GABRR2: variants seen among roughly 807,000 people sequenced by gnomAD.
GABRR2 encodes gamma-aminobutyric acid type A receptor subunit rho2.
GABRR2 carries 36 observed loss-of-function variants against 47.0 expected under a neutral mutation model. The ratio of observed to expected loss-of-function variants is 0.77; its 90% CI spans 0.59 to 1.01. GABRR2 has a LOEUF of 1.01. Ranked by LOEUF, GABRR2 falls within the 50% of genes least tolerant of loss-of-function variation. The probability of loss-of-function intolerance (pLI) is 0.00; values close to 1 mark genes in which losing one functional copy is unlikely to be tolerated. For synonymous variants in GABRR2, 204 were observed against 227.5 expected (o/e 0.90, Z 0.93); for missense variants, 587 against 594.6 (o/e 0.99, Z 0.13).
chr6:89,258,007 T>C (rs774896459), intron 8 of GABRR2, 26 bp from the exon 9 acceptor site: 1 of 1,599,754 alleles, frequency 6.3e-7, no homozygotes, highest in Admixed American at 1.7e-5. Context: ...ACAAAGAACA[T>C]CATTAAGCCT....
chr6:89,271,574 G>T, intron 3 of GABRR2, 81 bp downstream of exon 3: 1 of 1,262,208 alleles, frequency 7.9e-7, no homozygotes, highest in Non-Finnish European at 1.1e-6. Context: ...CTCCCGCTCT[G>T]CCCACACAGG....
chr6:89,289,053 C>T (rs192076559), intron 2 of GABRR2, among the ~76,000 whole-genome samples: 21 of 152,252 alleles, frequency 1.4e-4, no homozygotes, highest in Non-Finnish European at 2.2e-4. Flanking sequence ...TCAAAACAGC[C>T]GAGAGATGCT....
chr6:89,261,074 CA>C (rs1424990221), intron 8 of GABRR2, among the ~76,000 whole-genome samples: 2 of 152,184 alleles, frequency 1.3e-5, no homozygotes, highest in African/African-American at 4.8e-5. Context: ...TCTCTTTAAA[CA>C]AAGTCATACA....
At chr6:89,280,289 T>C (rs1361996071) in intron 2 of GABRR2, among the ~76,000 whole-genome samples, 9 of 146,392 alleles carry the variant, frequency 6.1e-5, no homozygotes, top group Non-Finnish European at 9.0e-5. Flanking sequence ...CACACATAGT[T>C]ACATCAACAT....
intron 1 of GABRR2, chr6:89,302,901 C>A (rs1767482121): frequency 3.4e-6 from 4 of 1,178,582 alleles, no homozygotes; most frequent in Non-Finnish European, 4.8e-6. Context: ...GCTGTTCAAG[C>A]ATCTCAGAGC....
At chr6:89,294,613 G>A (rs911506690) in intron 2 of GABRR2, among the ~76,000 whole-genome samples, 1 of 151,618 alleles carries the variant, frequency 6.6e-6, no homozygotes, top group Non-Finnish European at 1.5e-5. Flanking sequence ...AGGCTGAGCC[G>A]GCACTTTGGG....
chr6:89,271,561 C>T (rs2127835113), intron 3 of GABRR2, 94 bp downstream of exon 3: 2 of 1,125,302 alleles, frequency 1.8e-6, no homozygotes, highest in South Asian at 1.3e-5. Flanking sequence ...TTATCACCTC[C>T]AGCTCCCGCT....
rs1774079158 is a variant in GABRR2, at chr6:89,272,641, G to A, written c.221-919C>T. 5.3e-5 allele frequency among the ~76,000 whole-genome samples: 8 copies of A among 152,354 alleles called. No homozygotes were observed. The South Asian group carries it at 1.7e-3, about 32-fold the overall frequency. ...TCAGGTGCAGCTGGGCTGGGCCTCA[G>A]CGGGAGAGGGCATTGTCCAGAGGCC... On this transcript the variant is annotated intron_variant, in intron 2 of 8. Coordinates refer to ENST00000402938, the MANE Select transcript of GABRR2 (RefSeq NM_002043.5).
At chr6:89,288,551 T>C (rs1774373622) in intron 2 of GABRR2, among the ~76,000 whole-genome samples, 1 of 152,204 alleles carries the variant, frequency 6.6e-6, no homozygotes, top group African/African-American at 2.4e-5. Flanking sequence ...GTCAATCCAA[T>C]TTGTGAGCAA....
intron 8 of GABRR2, among the ~76,000 whole-genome samples, chr6:89,262,971 A>C (rs1417768912): frequency 1.3e-5 from 2 of 152,240 alleles, no homozygotes; most frequent in African/African-American, 4.8e-5. Context: ...TATGAATGGA[A>C]AAGACTGCCT....
At position 89,280,312 on chromosome 6, in the gene GABRR2, T is replaced by C. The variant is rs541000803; in HGVS notation, c.221-8590A>G. Among the ~76,000 whole-genome samples the C allele has an allele frequency of 8.0e-5, 12 of 149,188 alleles. No homozygotes were observed. In the South Asian group the frequency reaches 2.6e-3, roughly 32 times the overall value. Reference sequence around the variant, plus strand: ...GTTACATCAACATTGTCATTATTATTATGGCCTAACTCACTTACCTAGAGG... The same window carrying C: ...GTTACATCAACATTGTCATTATTATCATGGCCTAACTCACTTACCTAGAGG... On this transcript the variant is annotated intron_variant, in intron 2 of 8. Transcript: ENST00000402938.
At chr6:89,309,407 C>G (rs1379988953) in intron 1 of GABRR2, among the ~76,000 whole-genome samples, 1 of 152,066 alleles carries the variant, frequency 6.6e-6, no homozygotes, top group African/African-American at 2.4e-5. Context: ...GGCTCATTCC[C>G]ACCAGTATTC....
chr6:89,264,555 T>C lies in GABRR2; in HGVS notation c.943A>G (p.Met315Val). The C allele has an allele frequency of 6.2e-7, 1 of 1,614,138 alleles. No individual in the cohort carries two copies. The highest frequency in any genetic ancestry group is 1.1e-5 in the South Asian group (1 of 91,076). ...TTIITGVNAS[M>V]PRVSYVKAVD... is the part of the protein sequence containing the mutation. ...GCCTTGACGTAGGAGACGCGCGGCA[T>C]GGAGGCATTCACGCCCGTGATGATG... Residue 315 changes from methionine to valine, a missense_variant, in exon 8 of 9, where the codon ATG (methionine) becomes GTG (valine). By Grantham distance (21) the Met-to-Val change is conservative. Transcript: ENST00000402938.
intron 6 of GABRR2, among the ~76,000 whole-genome samples, chr6:89,267,471 G>A (rs747206946): frequency 1.3e-5 from 2 of 152,212 alleles, no homozygotes; most frequent in Non-Finnish European, 1.5e-5. Context: ...GGAGGCTGAC[G>A]TGGGAGGATC....
At chr6:89,275,427 C>A (rs1774141334) in intron 2 of GABRR2, among the ~76,000 whole-genome samples, 1 of 152,064 alleles carries the variant, frequency 6.6e-6, no homozygotes, top group Admixed American at 6.6e-5. Flanking sequence ...GTGTGCACCA[C>A]CACACCTGGC....
Position 89,269,208 on chromosome 6 carries a change from C to T in GABRR2, c.315G>A (p.Arg105=). ...DMDFTMTLYL[R]HYWKDERLAF... Reference sequence around the variant, plus strand: ...CTAGCCTCTCATCCTTCCAGTAATGCCGCAGGTACAGGGTCATAGTGAAGT... The same window carrying T: ...CTAGCCTCTCATCCTTCCAGTAATGTCGCAGGTACAGGGTCATAGTGAAGT... The change falls in exon 4 of 9, where the codon CGG becomes CGA. Residue 105 remains arginine (R), a synonymous_variant. Transcript: ENST00000402938. 3 of 1,614,046 alleles carry T rather than the reference C, an allele frequency of 1.9e-6. No individual in the cohort carries two copies. The highest frequency in any genetic ancestry group is 1.7e-6 in the Non-Finnish European group (2 of 1,179,906).
chr6:89,257,684 A>G lies in GABRR2; in HGVS notation c.1384T>C (p.Ser462Pro), dbSNP rs755120337. The change falls in exon 9 of 9, where the codon TCA (serine) becomes CCA (proline). Residue 462 changes from serine to proline, a missense_variant. By Grantham distance (74) the Ser-to-Pro change is moderately conservative (BLOSUM62 -1). Coordinates refer to ENST00000402938, the MANE Select transcript of GABRR2 (RefSeq NM_002043.5). ...SYIFFNLIYW[S>P]VFS ...CCTTGGAGCCCCTAGGAAAACACTG[A>G]CCAATAAATTAAGTTGAAAAATATG... 1 of 1,612,522 alleles carries G rather than the reference A, an allele frequency of 6.2e-7. No individual in the cohort carries two copies. Among genetic ancestry groups the G allele is most frequent in the Non-Finnish European group, 8.5e-7 (1 of 1,179,160 alleles).
At chr6:89,264,674 T>A (rs1318698551) in intron 7 of GABRR2, 66 bp from the exon 8 acceptor site, 2 of 1,571,454 alleles carry the variant, frequency 1.3e-6, no homozygotes, top group Non-Finnish European at 1.7e-6. Context: ...TCTCACTAAG[T>A]CACGATTTTA....
At chr6:89,299,961 G>T in intron 1 of GABRR2, 96 bp from the exon 2 acceptor site, 1 of 789,032 alleles carries the variant, frequency 1.3e-6, no homozygotes, top group Admixed American at 2.1e-5. Context: ...TACCTGTTAG[G>T]TACCTTTTCT....
Sources: gnomAD v4.1 joint callset for allele counts (sites outside exome capture counted in the v4.1 genomes callset) on GRCh38, gnomAD v4.1.1 for gene constraint, MANE v1.5 for transcripts, NCBI Gene and HGNC (gene_info 2026-07-23, HGNC 2026-07-21) for gene names.